MAP3K15: variants seen among roughly 807,000 people sequenced by gnomAD.
The protein encoded by MAP3K15 is mitogen-activated protein kinase kinase kinase 15.
In MAP3K15, 124 loss-of-function variants were observed where a neutral mutation model predicts 99.5. That is an observed-to-expected ratio of 1.25 (90% CI 1.08 to 1.45). The LOEUF (loss-of-function observed/expected upper bound fraction) is 1.45, where lower values mean the gene tolerates loss of function less well. MAP3K15 is among the 40% of genes most tolerant of loss of function. The pLI is 0.00. For synonymous variants in MAP3K15, 494 were observed against 439.6 expected, an observed-to-expected ratio of 1.12 and a Z score of -1.55; for missense variants, 1,242 against 1,079.7, an observed-to-expected ratio of 1.15 and a Z score of -2.11.
chrX:19,361,357 A>G lies in MAP3K15; in HGVS notation c.3839T>C (p.Leu1280Pro), dbSNP rs142533585. ...CTCTTACCGTAGTCGAAGGTATCTT[A>G]GATCTTCCTTAGTGATCTCATTAAG... The part of the protein sequence containing the change: ...DILNEITKED[L>P]RYLRLRGGLL... Residue 1280 changes from leucine to proline, a missense_variant, in exon 28 of 29, where the codon CTA becomes CCA. Coordinates refer to ENST00000338883, the MANE Select transcript of MAP3K15 (RefSeq NM_001001671.4). 9 of 1,205,975 alleles carry G rather than the reference A, an allele frequency of 7.5e-6. No homozygotes were observed. The African/African-American group carries it at 1.6e-4, about 21-fold the overall frequency.
At chrX:19,491,634 T>C (rs539654189) in intron 1 of MAP3K15, among the ~76,000 whole-genome samples, 1 of 110,957 alleles carries the variant, frequency 9.0e-6, no homozygotes, top group East Asian at 2.8e-4. Context: ...AGCCTGGAGG[T>C]GGAGGGCTGG....
chrX:19,426,190 A>G, intron 8 of MAP3K15, 41 bp downstream of exon 8: 1 of 729,758 alleles, frequency 1.4e-6, no homozygotes, highest in East Asian at 3.6e-5. Flanking sequence ...CCAAACTTGT[A>G]TAATCAAAGC....
intron 6 of MAP3K15, among the ~76,000 whole-genome samples, chrX:19,440,522 T>C (rs1376720168): frequency 8.9e-6 from 1 of 112,595 alleles, no homozygotes; most frequent in African/African-American, 3.2e-5. Flanking sequence ...GACCCAGTTA[T>C]GTATCAGGCA....
At position 19,431,505 on chromosome X, in the gene MAP3K15, T is replaced by G. The variant is rs771844821; in HGVS notation, c.1099A>C (p.Ile367Leu). Residue 367 changes from isoleucine (I) to leucine (L), a missense_variant, in exon 7 of 29, where the codon ATC becomes CTC. Physicochemically the swap from Ile to Leu is conservative, Grantham distance 5. Coordinates refer to ENST00000338883, the MANE Select transcript of MAP3K15 (RefSeq NM_001001671.4). ...GAATCCAAGAAGATGTCCTTGTAGA[T>G]CCTCCCACACAGGCAGAACATGTCG... ...GPDMFCLCGR[I>L]YKDIFLDSDC... 1.9e-4 allele frequency: 224 copies of G among 1,198,415 alleles called. 2 individuals are homozygous for G. The South Asian group carries it at 3.8e-3, about 20-fold the overall frequency.
chrX:19,429,819 A>AGAGG (rs2063866892), intron 7 of MAP3K15, among the ~76,000 whole-genome samples: 1 of 93,799 alleles, frequency 1.1e-5, no homozygotes, highest in East Asian at 3.3e-4. Context: ...AGAGAGAGAG[A>AGAGG]GAGGAAGCAG....
At chrX:19,423,184 A>G (rs1003450258) in intron 9 of MAP3K15, among the ~76,000 whole-genome samples, 3 of 110,819 alleles carry the variant, frequency 2.7e-5, no homozygotes, top group African/African-American at 9.8e-5. Flanking sequence ...AATAAGAAAA[A>G]AAGAAAAAAA....
intron 19 of MAP3K15, among the ~76,000 whole-genome samples, chrX:19,378,112 C>G (rs1026192230): frequency 1.2e-4 from 13 of 112,697 alleles, no homozygotes; most frequent in African/African-American, 3.9e-4. Context: ...AAGAGGGAAG[C>G]AGAGAGCCTG....
chrX:19,393,942 T>G (rs1399210082), intron 16 of MAP3K15, among the ~76,000 whole-genome samples: 1 of 108,225 alleles, frequency 9.2e-6, no homozygotes, highest in Admixed American at 1.0e-4. Flanking sequence ...CTGGCTAATT[T>G]TTTGTATTTT....
chrX:19,464,656 G>A (rs989828591), intron 3 of MAP3K15, among the ~76,000 whole-genome samples: 1 of 111,375 alleles, frequency 9.0e-6, no homozygotes, highest in African/African-American at 3.3e-5. Flanking sequence ...GAACTTCACT[G>A]GCAGAAATTT....
At chrX:19,398,460 A>G in intron 14 of MAP3K15, 101 bp from the exon 15 acceptor site, 2 of 928,561 alleles carry the variant, frequency 2.2e-6, no homozygotes, top group Non-Finnish European at 3.0e-6. Context: ...AAATATAAAT[A>G]ACATTATTTG....
At chrX:19,497,695 AAGG>A (rs2064415815) in intron 1 of MAP3K15, 1 of 111,282 alleles carries the variant, frequency 9.0e-6, no homozygotes, top group Admixed American at 9.6e-5. Context: ...ATGGCCATAC[AAGG>A]TATCTTGTAT....
chrX:19,366,436 C>T (rs935710929), intron 25 of MAP3K15, among the ~76,000 whole-genome samples: 14 of 111,678 alleles, frequency 1.3e-4, no homozygotes, highest in African/African-American at 4.2e-4. Flanking sequence ...GCTGTGTCCC[C>T]ACCCAAATCT....
At chrX:19,417,722 C>G (rs1249951174) in intron 9 of MAP3K15, among the ~76,000 whole-genome samples, 1 of 112,014 alleles carries the variant, frequency 8.9e-6, no homozygotes, top group Admixed American at 9.5e-5. Context: ...AGCTCGAGAT[C>G]TGAGAATGGA....
In MAP3K15 at chrX:19,399,171, T is replaced by C. The variant is rs190073517; in HGVS notation, c.1933-812A>G. 8.0e-3 allele frequency among the ~76,000 whole-genome samples: 895 copies of C among 112,214 alleles called. 6 individuals carry two copies. The highest frequency in any genetic ancestry group is 0.028 in the African/African-American group (854 of 30,873). ...TTACTAAAGGGTTGGCTGGACACTG[T>C]GGCTCATGCTTGTAATCCTAGCACT... On this transcript the variant is annotated intron_variant, in intron 14 of 28. Transcript: ENST00000338883.
intron 15 of MAP3K15, among the ~76,000 whole-genome samples, chrX:19,396,286 C>T (rs1275984328): frequency 1.8e-5 from 2 of 111,980 alleles, no homozygotes; most frequent in African/African-American, 6.5e-5. Flanking sequence ...GGGAGTTGAA[C>T]AAAACAGTCT....
chrX:19,372,650 T>C lies in MAP3K15; in HGVS notation c.3108+3A>G, dbSNP rs56273399. On this transcript the variant is annotated splice_donor_region_variant and intron_variant, in intron 22 of 28. Transcript: ENST00000338883. ...GAGTCGGTGCCCTCCCTCGGGCAAATACCTGGGCCACACACTCCTGCAGGT... is the reference window on the plus strand; with the variant it reads ...GAGTCGGTGCCCTCCCTCGGGCAAACACCTGGGCCACACACTCCTGCAGGT... 1.7e-6 allele frequency: 2 copies of C among 1,199,987 alleles called. No individual in the cohort carries two copies. Among genetic ancestry groups the C allele is most frequent in the Non-Finnish European group, 2.3e-6 (2 of 887,988 alleles).
chrX:19,367,523 G>A (rs2063342824), intron 25 of MAP3K15, among the ~76,000 whole-genome samples: 1 of 77,521 alleles, frequency 1.3e-5, no homozygotes, highest in Admixed American at 1.2e-4. Context: ...CTAAAGCTCT[G>A]GGTCTTTTAA....
chrX:19,422,074 A>C (rs1602295117), intron 9 of MAP3K15, among the ~76,000 whole-genome samples: 1 of 110,525 alleles, frequency 9.0e-6, no homozygotes, highest in South Asian at 3.8e-4. Flanking sequence ...AACCATAAAA[A>C]CCCTAGAAGA....
In MAP3K15 at chrX:19,464,359, G is replaced by A. The variant is rs753951124; in HGVS notation, c.573C>T (p.Cys191=). The A allele has an allele frequency of 4.1e-5, 49 of 1,197,619 alleles. No individual in the cohort carries two copies. The highest frequency in any genetic ancestry group is 5.5e-5 in the Non-Finnish European group (49 of 893,389). The change falls in exon 4 of 29, where the codon TGC becomes TGT. Residue 191 remains cysteine, a synonymous_variant. Coordinates refer to ENST00000338883, the MANE Select transcript of MAP3K15 (RefSeq NM_001001671.4). ...CACTCTCGCAGCAAAAATAATCAGC[G>A]CACGGTGTCACGATGTATGGGATGA... is the stretch of plus-strand genomic sequence containing the variant. ...YYFIPYIVTP[C]ADYFCCESDA...
Sources: gnomAD v4.1 joint callset for allele counts (sites outside exome capture counted in the v4.1 genomes callset) on GRCh38, gnomAD v4.1.1 for gene constraint, MANE v1.5 for transcripts, NCBI Gene and HGNC (gene_info 2026-07-23, HGNC 2026-07-21) for gene names.